Variants in RGS10 observed in about 807,000 individuals in gnomAD.
The protein encoded by RGS10 is regulator of G protein signaling 10.
Under a neutral mutation model 23.5 loss-of-function variants are expected in RGS10, and 11 were observed. That is an observed-to-expected ratio of 0.47 (90% confidence interval 0.29 to 0.77). RGS10 has a LOEUF of 0.77. Among genes scored for constraint, RGS10 ranks in the 30% least tolerant of loss-of-function variants. The pLI, the probability that RGS10 is intolerant of heterozygous loss-of-function variation, is 0.08. For missense variants in RGS10, 180 were observed against 226.3 expected, an observed-to-expected ratio of 0.80 and a Z score of 1.31; for synonymous variants, 77 against 83.2, an observed-to-expected ratio of 0.92 and a Z score of 0.41.
At chr10:119,515,380 T>A in intron 4 of RGS10, 129 bp downstream of exon 4, 1 of 1,103,998 alleles carries the variant, frequency 9.1e-7, no homozygotes, top group Admixed American at 2.2e-5. Context: ...CCCCTCAGTG[T>A]ACCTCGGTCT....
chr10:119,535,798 A>C (rs751412947), intron 1 of RGS10, among the ~76,000 whole-genome samples: 8 of 152,210 alleles, frequency 5.3e-5, no homozygotes, highest in Non-Finnish European at 1.2e-4. Flanking sequence ...TATTAACCCT[A>C]AATTCCAAAG....
intron 1 of RGS10, among the ~76,000 whole-genome samples, chr10:119,540,619 A>C (rs1589844940): frequency 6.6e-6 from 1 of 152,134 alleles, no homozygotes; most frequent in Non-Finnish European, 1.5e-5. Context: ...GCCCTGAAAT[A>C]ATTTGTTCCC....
intron 4 of RGS10, among the ~76,000 whole-genome samples, chr10:119,502,357 TAATGAA>T (rs1843961507): frequency 6.6e-6 from 1 of 152,250 alleles, no homozygotes; most frequent in African/African-American, 2.4e-5. Context: ...CAAATGTGAC[TAATGAA>T]ACCAGTTGCA....
intron 4 of RGS10, 95 bp from the exon 5 acceptor site, chr10:119,500,354 A>G (rs1843938336): frequency 1.7e-6 from 2 of 1,156,792 alleles, no homozygotes; most frequent in South Asian, 3.4e-5. Flanking sequence ...CATGTGCCAA[A>G]GAATACTAAC....
intron 4 of RGS10, among the ~76,000 whole-genome samples, chr10:119,505,217 AG>A (rs1307311553): frequency 6.6e-6 from 1 of 151,848 alleles, no homozygotes; most frequent in African/African-American, 2.4e-5. Context: ...AGGAGGCCGC[AG>A]GTGAGTGGAA....
intron 1 of RGS10, among the ~76,000 whole-genome samples, chr10:119,530,871 C>T (rs1029849408): frequency 3.9e-5 from 6 of 152,172 alleles, no homozygotes; most frequent in African/African-American, 7.2e-5. Flanking sequence ...CAGCAGGGAC[C>T]ATGCTTCAAT....
intron 4 of RGS10, among the ~76,000 whole-genome samples, chr10:119,506,205 C>G (rs749975528): frequency 6.6e-6 from 1 of 152,214 alleles, no homozygotes; most frequent in South Asian, 2.1e-4. Context: ...TGCCTACCCC[C>G]TAAAGTGAAG....
chr10:119,514,877 A>T (rs1005630350), intron 4 of RGS10, among the ~76,000 whole-genome samples: 6 of 152,006 alleles, frequency 3.9e-5, no homozygotes, highest in African/African-American at 1.5e-4. Context: ...TTCACCATAC[A>T]TTCCACTCCC....
intron 4 of RGS10, among the ~76,000 whole-genome samples, chr10:119,503,020 C>G (rs1843969328): frequency 6.6e-6 from 1 of 152,156 alleles, no homozygotes; most frequent in Non-Finnish European, 1.5e-5. Flanking sequence ...GGGCCTGGCT[C>G]AGGAGCACAC....
At position 119,515,581 on chromosome 10, in the gene RGS10, C is replaced by T; in HGVS notation, c.327G>A (p.Glu109=). 1.9e-6 allele frequency: 3 copies of T among 1,614,218 alleles called. No individual in the cohort carries two copies. Among genetic ancestry groups the T allele is most frequent in the Non-Finnish European group, 2.5e-6 (3 of 1,180,044 alleles). The part of the protein sequence containing the change: ...SSKASSQVNV[E]GQSRLNEKIL... ...TCTTCTCGTTGAGCCGAGACTGCCC[C>T]TCCACGTTGACCTGTGATGAGGCCT... Residue 109 remains glutamate (E), a synonymous_variant, in exon 4 of 5, where the codon GAG becomes GAA. Coordinates refer to ENST00000369103, the MANE Select transcript of RGS10 (RefSeq NM_001005339.2).
intron 1 of RGS10, among the ~76,000 whole-genome samples, chr10:119,533,964 C>A (rs1248589265): frequency 2.0e-5 from 3 of 152,034 alleles, no homozygotes; most frequent in African/African-American, 7.2e-5. Context: ...ATGGTTAATA[C>A]TTCAGATGGG....
chr10:119,517,305 ATGCTGTCC>A lies in RGS10; in HGVS notation c.256-1661_256-1654del, dbSNP rs1564711487. Among the ~76,000 whole-genome samples, 1 of 152,086 alleles carries A rather than the reference ATGCTGTCC, an allele frequency of 6.6e-6. No homozygotes were observed. Among genetic ancestry groups the A allele is most frequent in the Non-Finnish European group, 1.5e-5 (1 of 67,962 alleles). ...CCAGGTTGGGTGAACACCGAAAGCC[ATGCTGTCC>A]ACCCTGTCTTCACTGTCAATAGGAG... On this transcript the variant is annotated intron_variant, in intron 3 of 4. Transcript: ENST00000369103. This position sits in a 1 kb window ranked among gnomAD's most constrained non-coding sequence, Gnocchi z 5.0.
At chr10:119,518,699 AC>A (rs1844173523) in intron 3 of RGS10, among the ~76,000 whole-genome samples, 1 of 124,934 alleles carries the variant, frequency 8.0e-6, no homozygotes, top group African/African-American at 3.0e-5. Flanking sequence ...TGGCCTCACC[AC>A]CCCCAATCCC....
chr10:119,531,383 A>C (rs565873166), intron 1 of RGS10, among the ~76,000 whole-genome samples: 1 of 152,328 alleles, frequency 6.6e-6, no homozygotes, highest in South Asian at 2.1e-4. Flanking sequence ...TCTTTTCCAT[A>C]ATAAACCAGA....
At chr10:119,529,451 A>C (rs1402116137) in intron 1 of RGS10, among the ~76,000 whole-genome samples, 1 of 152,070 alleles carries the variant, frequency 6.6e-6, no homozygotes, top group Non-Finnish European at 1.5e-5. Flanking sequence ...CGAAACTCTG[A>C]CTCAAACGAA....
chr10:119,530,746 G>A (rs2133958534), intron 1 of RGS10, among the ~76,000 whole-genome samples: 1 of 152,298 alleles, frequency 6.6e-6, no homozygotes, highest in African/African-American at 2.4e-5. Context: ...GATAGCTTGA[G>A]CCCAGGAGTT....
At chr10:119,511,988 G>A (rs1844081123) in intron 4 of RGS10, among the ~76,000 whole-genome samples, 1 of 152,230 alleles carries the variant, frequency 6.6e-6, no homozygotes, top group South Asian at 2.1e-4. Context: ...AACTCTTGAA[G>A]CTCTCCTTTA....
intron 3 of RGS10, chr10:119,516,571 G>A (rs531936378): frequency 6.6e-6 from 1 of 152,264 alleles, no homozygotes; most frequent in East Asian, 1.9e-4. Context: ...CCCAGGCAGG[G>A]TGCATTTCCT....
At chr10:119,516,170 T>A (rs1179402156) in intron 3 of RGS10, among the ~76,000 whole-genome samples, 2 of 149,908 alleles carry the variant, frequency 1.3e-5, no homozygotes, top group Admixed American at 1.3e-4. Context: ...GAGAATTGCT[T>A]GAACCCAGGA....
Sources: gnomAD v4.1 joint callset for allele counts (sites outside exome capture counted in the v4.1 genomes callset) on GRCh38, gnomAD v4.1.1 for gene constraint, Gnocchi (gnomAD v3.1) non-coding constraint, MANE v1.5 for transcripts, NCBI Gene and HGNC (gene_info 2026-07-23, HGNC 2026-07-21) for gene names.